The following PUF60 variants were observed in gnomAD, a reference collection of about 807,000 sequenced individuals.
The protein encoded by PUF60 is poly(U) binding splicing factor 60.
A neutral mutation model predicts 61.8 loss-of-function variants in PUF60; 10 were observed. The ratio of observed to expected loss-of-function variants is 0.16; its 90% CI spans 0.10 to 0.27. The LOEUF is 0.27. Among genes scored for constraint, PUF60 ranks in the 10% least tolerant of loss-of-function variants. The probability of loss-of-function intolerance (pLI) is 1.00; values close to 1 mark genes in which losing one functional copy is unlikely to be tolerated. For missense variants in PUF60, 371 were observed against 754.0 expected (o/e 0.49, Z 5.95); for synonymous variants, 353 against 300.9 (o/e 1.17, Z -1.79).
Position 143,817,446 on chromosome 8 carries a change from C to T in PUF60, c.1029G>A (p.Ala343=), listed in dbSNP as rs368804058. The change falls in exon 10 of 12, where the codon GCG becomes GCA. Residue 343 remains alanine (A), a synonymous_variant. Transcript: ENST00000526683. The surrounding 1 kb of genome is among the most constrained non-coding windows in gnomAD (Gnocchi z 7.4). ...ITAQEAVAGA[A]VLGTLGTPGL... ...CAGGTGTGCCCAGGGTACCCAGCAC[C>T]GCTGCTCCGGCCACTGCTTCCTGCA... 118 of 1,608,114 alleles carry T rather than the reference C, an allele frequency of 7.3e-5. No homozygotes were observed. Among genetic ancestry groups the T allele is most frequent in the Middle Eastern group, 1.6e-4 (1 of 6,078 alleles).
chr8:143,829,273 C>T lies in PUF60; in HGVS notation c.24+7G>A. ...GGCCGCCCGCGCTCATGGGGGGGCT[C>T]ACTTACGAGAGCTATGGTCGCCGTC... On this transcript the variant is annotated splice_region_variant and intron_variant, in intron 1 of 11. Transcript: ENST00000526683. 2 of 1,262,252 alleles carry T rather than the reference C, an allele frequency of 1.6e-6. No homozygotes were observed. Among genetic ancestry groups the T allele is most frequent in the Non-Finnish European group, 2.0e-6 (2 of 997,612 alleles). The allele number at this position is 1,262,252 out of a possible 1,614,324, so 78.2% of individuals were successfully genotyped here. A position where few individuals can be genotyped will look rare whatever the true frequency, so the allele number is the denominator to read the frequency against.
At chr8:143,829,009 C>A (rs1817985265) in intron 1 of PUF60, 2 of 995,658 alleles carry the variant, frequency 2.0e-6, no homozygotes, top group Non-Finnish European at 2.4e-6. Context: ...GCAACCCCGC[C>A]AGGCTCGCCC....
Position 143,816,478 on chromosome 8 carries a change from G to A in PUF60, c.*42C>T, listed in dbSNP as rs1055140281. The stretch of plus-strand genomic sequence containing the variant: ...CCACTGTATCACTATAAAACCCAGA[G>A]GAAACAAGGAACAAGTGCAAGTCCG... On this transcript the variant is annotated 3_prime_UTR_variant, in exon 12 of 12. Transcript: ENST00000526683. 1.7e-5 allele frequency: 26 copies of A among 1,570,620 alleles called. No individual in the cohort carries two copies. Among genetic ancestry groups the A allele is most frequent in the South Asian group, 7.2e-5 (6 of 83,554 alleles).
Position 143,817,335 on chromosome 8 carries a change from G to A in PUF60, c.1140C>T (p.Ile380=). 1.3e-6 allele frequency: 2 copies of A among 1,588,752 alleles called. No homozygotes were observed. The highest frequency in any genetic ancestry group is 1.7e-6 in the Non-Finnish European group (2 of 1,172,556). ...CTGGTACCACTTAAGACTCACCTGT[G>A]ATGACTCCAGGTGCCTGGGCAGCCA... ...AVMAAQAPGV[I]TGVTPARPPI... Residue 380 remains isoleucine (I), a synonymous_variant, in exon 10 of 12, where the codon ATC becomes ATT. Transcript: ENST00000526683. The surrounding 1 kb of genome is among the most constrained non-coding windows in gnomAD (Gnocchi z 7.4).
intron 2 of PUF60, chr8:143,822,813 C>G (rs1817173254): frequency 2.9e-6 from 1 of 342,132 alleles, no homozygotes; most frequent in South Asian, 2.2e-5. Context: ...GGGCAAACAG[C>G]ATGCCTGCGC....
chr8:143,828,765 G>C (rs1324117290), intron 1 of PUF60, among the ~76,000 whole-genome samples: 2 of 152,198 alleles, frequency 1.3e-5, no homozygotes. Context: ...GAGATAACCA[G>C]ATCCCTCTCC....
chr8:143,816,846 A>C (rs778792262), intron 11 of PUF60, 27 bp from the exon 12 acceptor site: 1 of 1,606,620 alleles, frequency 6.2e-7, no homozygotes, highest in East Asian at 2.2e-5. Context: ...AGGGGAAGAC[A>C]GCTGAGCACT....
chr8:143,829,129 C>T (rs1216863706), intron 1 of PUF60, 151 bp downstream of exon 1: 23 of 1,187,846 alleles, frequency 1.9e-5, no homozygotes, highest in Non-Finnish European at 2.3e-5. Flanking sequence ...CCCGCCCCGC[C>T]CCCGCCTCAC....
Position 143,817,383 on chromosome 8 carries a change from C to T in PUF60, c.1092G>A (p.Leu364=), listed in dbSNP as rs1221350839. The T allele has an allele frequency of 6.3e-7, 1 of 1,593,990 alleles. No homozygotes were observed. Among genetic ancestry groups the T allele is most frequent in the African/African-American group, 1.4e-5 (1 of 73,654 alleles). The change falls in exon 10 of 12, where the codon CTG becomes CTA. Residue 364 remains leucine, a synonymous_variant. Transcript: ENST00000526683. This position sits in a 1 kb window ranked among gnomAD's most constrained non-coding sequence, Gnocchi z 7.4. ...CCATGACAGCCTGGGGCAAAGTGCC[C>T]AGGGGCTGGGCCAGGGTCAGTGCTG... ...VSPALTLAQP[L]GTLPQAVMAA... is the part of the protein sequence containing the mutation.
intron 2 of PUF60, 45 bp downstream of exon 2, chr8:143,824,268 G>T (rs551176639): frequency 6.8e-7 from 1 of 1,464,746 alleles, no homozygotes; most frequent in South Asian, 1.3e-5. Context: ...GCGGGCGGGC[G>T]GGCAGGCGGG....
At chr8:143,822,709 C>G in intron 2 of PUF60, 1 of 380,972 alleles carries the variant, frequency 2.6e-6, no homozygotes, top group East Asian at 7.3e-5. Flanking sequence ...TTACGTCCCT[C>G]CTGTCAAAAT....
intron 2 of PUF60, among the ~76,000 whole-genome samples, chr8:143,824,032 G>A (rs1287287916): frequency 1.3e-5 from 2 of 152,234 alleles, no homozygotes; most frequent in African/African-American, 2.4e-5. Flanking sequence ...CGGCGTCCCC[G>A]CCCAGCCAGA....
Position 143,829,264 on chromosome 8 carries a change from G to T in PUF60, c.24+16C>A, listed in dbSNP as rs782037403. 187 of 1,255,096 alleles carry T rather than the reference G, an allele frequency of 1.5e-4. No individual in the cohort carries two copies. Among genetic ancestry groups the T allele is most frequent in the Non-Finnish European group, 1.8e-4 (181 of 995,412 alleles). The allele number at this position is 1,255,096 out of a possible 1,614,324, so 77.7% of individuals were successfully genotyped here. On this transcript the variant is annotated intron_variant, in intron 1 of 11. Transcript: ENST00000526683. The stretch of plus-strand genomic sequence containing the variant: ...CAAGCCGAGGGCCGCCCGCGCTCAT[G>T]GGGGGGCTCACTTACGAGAGCTATG...
chr8:143,816,700 T>C lies in PUF60; in HGVS notation c.1500A>G (p.Gln500=), dbSNP rs750822436. 4.4e-5 allele frequency: 71 copies of C among 1,613,756 alleles called. No homozygotes were observed. The highest frequency in any genetic ancestry group is 5.8e-5 in the Non-Finnish European group (69 of 1,179,890). The change falls in exon 12 of 12, where the codon CAA becomes CAG. Residue 500 remains glutamine (Q), a synonymous_variant. Transcript: ENST00000526683. The part of the protein sequence containing the change: ...FGAVNRVIIY[Q]EKQGEEEDAE... The stretch of plus-strand genomic sequence containing the variant: ...CATCCTCCTCCTCGCCTTGTTTCTC[T>C]TGGTAGATGATGACGCGGTTCACGG...
chr8:143,829,113 C>A, intron 1 of PUF60, 167 bp downstream of exon 1: 5 of 1,157,356 alleles, frequency 4.3e-6, no homozygotes, highest in East Asian at 8.0e-5. Context: ...CGGCCGCCGG[C>A]GCGCGCCCGC....
At chr8:143,826,060 G>A (rs1033362057) in intron 1 of PUF60, among the ~76,000 whole-genome samples, 25 of 152,270 alleles carry the variant, frequency 1.6e-4, no homozygotes, top group East Asian at 9.6e-4. Context: ...GACGCTGGGA[G>A]AACTTGGAGG....
Position 143,818,735 on chromosome 8 carries a change from A to G in PUF60, c.349-201T>C. ...CACCCAAAGAAGGAAGGCCAGGCCC[A>G]GCGGCAGGACAGGACGCACCCCAGC... On this transcript the variant is annotated intron_variant, in intron 5 of 11. Transcript: ENST00000526683. The surrounding 1 kb of genome is among the most constrained non-coding windows in gnomAD (Gnocchi z 7.9). 1 of 631,096 alleles carries G rather than the reference A, an allele frequency of 1.6e-6. No homozygotes were observed. The highest frequency in any genetic ancestry group is 2.7e-6 in the Non-Finnish European group (1 of 370,000). The allele number at this position is 631,096 out of a possible 1,614,324, so 39.1% of individuals were successfully genotyped here. A position where few individuals can be genotyped will look rare whatever the true frequency, so the allele number is the denominator to read the frequency against.
intron 2 of PUF60, 131 bp from the exon 3 acceptor site, chr8:143,822,044 G>A (rs1324215440): frequency 3.0e-6 from 2 of 674,600 alleles, no homozygotes; most frequent in Non-Finnish European, 2.5e-6. Flanking sequence ...TGACATTGCT[G>A]TCCCCAGCCC....
rs1816526297 is a variant in PUF60 at position 143,817,712 on chromosome 8, G to A, written c.888C>T (p.Tyr296=). The part of the protein sequence containing the change: ...SMNLFDLGGQ[Y]LRVGKAVTPP... Reference sequence around the variant, plus strand: ...GTGTGACAGCCTTGCCCACCCGCAAGTACTGGCCACCCAGGTCAAAGAGGT... The same window carrying A: ...GTGTGACAGCCTTGCCCACCCGCAAATACTGGCCACCCAGGTCAAAGAGGT... Residue 296 remains tyrosine, a synonymous_variant, in exon 9 of 12, where the codon TAC becomes TAT. Transcript: ENST00000526683. This position sits in a 1 kb window ranked among gnomAD's most constrained non-coding sequence, Gnocchi z 7.4. The A allele has an allele frequency of 6.2e-7, 1 of 1,612,730 alleles. No individual in the cohort carries two copies. Among genetic ancestry groups the A allele is most frequent in the African/African-American group, 1.3e-5 (1 of 75,062 alleles).
Sources: gnomAD v4.1 joint callset for allele counts (sites outside exome capture counted in the v4.1 genomes callset) on GRCh38, gnomAD v4.1.1 for gene constraint, Gnocchi (gnomAD v3.1) non-coding constraint, MANE v1.5 for transcripts, NCBI Gene and HGNC (gene_info 2026-07-23, HGNC 2026-07-21) for gene names.